Variants in RBPMS observed in about 807,000 individuals in gnomAD.
The protein encoded by RBPMS is RNA binding protein, mRNA processing factor, also known as RNA-binding protein with multiple splicing.
A neutral mutation model predicts 26.8 loss-of-function variants in RBPMS; 7 were observed. That is an observed-to-expected ratio of 0.26 (90% CI 0.15 to 0.49). The LOEUF (loss-of-function observed/expected upper bound fraction) is 0.49. Among genes scored for constraint, RBPMS ranks in the 20% least tolerant of loss-of-function variants. The pLI, the probability that RBPMS is intolerant of heterozygous loss-of-function variation, is 0.98. For missense variants in RBPMS, 186 were observed against 250.0 expected (o/e 0.74, Z 1.73); for synonymous variants, 96 against 93.3 (o/e 1.03, Z -0.17).
chr8:30,437,927 C>T (rs1437099635), intron 1 of RBPMS, among the ~76,000 whole-genome samples: 2 of 152,010 alleles, frequency 1.3e-5, no homozygotes, highest in African/African-American at 4.8e-5. Flanking sequence ...CTACTGCACT[C>T]CAGCCTGGGT....
intron 8 of RBPMS, among the ~76,000 whole-genome samples, chr8:30,569,984 C>T (rs1828157491): frequency 6.6e-6 from 1 of 152,170 alleles, no homozygotes; most frequent in South Asian, 2.1e-4. Flanking sequence ...CCTGCTCCGC[C>T]GGCCGTTACC....
At chr8:30,555,760 G>A (rs552107383) in intron 6 of RBPMS, 41 of 462,460 alleles carry the variant, frequency 8.9e-5, no homozygotes, top group African/African-American at 4.9e-4. Flanking sequence ...AGGTTTCCCC[G>A]TTAAGAAGAA....
chr8:30,452,903 T>A (rs1475919613), intron 1 of RBPMS, among the ~76,000 whole-genome samples: 2 of 152,212 alleles, frequency 1.3e-5, no homozygotes, highest in African/African-American at 4.8e-5. Context: ...CCTTGGAGAT[T>A]TCCTTCTGAA....
chr8:30,461,998 C>T (rs1035640266), intron 1 of RBPMS, among the ~76,000 whole-genome samples: 4 of 152,124 alleles, frequency 2.6e-5, no homozygotes, highest in South Asian at 2.1e-4. Flanking sequence ...CCTTGAGAGT[C>T]GTTCAAGTTG....
In RBPMS at chr8:30,504,269, G is replaced by C. The variant is rs1199653637; in HGVS notation, c.247-17G>C. On this transcript the variant is annotated splice_polypyrimidine_tract_variant and intron_variant, in intron 4 of 8. Coordinates refer to ENST00000397323, the MANE Select transcript of RBPMS (RefSeq NM_001008710.3). ...AAGGAAATGAAAACATCTTCCATTT[G>C]TTCTCTGTTTCCAAAGGGCATCCGC... 6.2e-7 allele frequency: 1 copy of C among 1,613,680 alleles called. No homozygotes were observed. The highest frequency in any genetic ancestry group is 8.5e-7 in the Non-Finnish European group (1 of 1,179,758).
chr8:30,517,226 GT>G (rs1822431789), intron 5 of RBPMS, among the ~76,000 whole-genome samples: 3 of 138,964 alleles, frequency 2.2e-5, no homozygotes, highest in Non-Finnish European at 4.8e-5. Context: ...GTGTGTGTGT[GT>G]GTGTGTGTGT....
intron 4 of RBPMS, among the ~76,000 whole-genome samples, chr8:30,484,742 G>T (rs894815252): frequency 2.0e-5 from 3 of 152,132 alleles, no homozygotes; most frequent in Non-Finnish European, 4.4e-5. Context: ...AATAGTGTCA[G>T]ATGTTGAAAA....
At chr8:30,448,863 C>G (rs559819636) in intron 1 of RBPMS, among the ~76,000 whole-genome samples, 4 of 152,312 alleles carry the variant, frequency 2.6e-5, no homozygotes, top group African/African-American at 9.6e-5. Flanking sequence ...ACTCTATATA[C>G]TCTTCATTTC....
intron 5 of RBPMS, among the ~76,000 whole-genome samples, chr8:30,529,618 C>CT (rs1246060453): frequency 1.3e-5 from 2 of 152,118 alleles, no homozygotes; most frequent in Non-Finnish European, 2.9e-5. Flanking sequence ...CTTTCTGTCT[C>CT]TGTTAATTTG....
intron 6 of RBPMS, chr8:30,544,914 G>C: frequency 2.0e-6 from 3 of 1,479,986 alleles, no homozygotes; most frequent in Non-Finnish European, 2.7e-6. Context: ...TATCCACCTG[G>C]CTCCCAGCTA....
chr8:30,517,189 C>CAT (rs1487122635), intron 5 of RBPMS, among the ~76,000 whole-genome samples: 4 of 132,474 alleles, frequency 3.0e-5, no homozygotes, highest in African/African-American at 1.2e-4. Flanking sequence ...GCCAAGACCC[C>CAT]GTGTGTGTGT....
chr8:30,442,068 A>T (rs1813144295), intron 1 of RBPMS, among the ~76,000 whole-genome samples: 1 of 152,104 alleles, frequency 6.6e-6, no homozygotes, highest in Admixed American at 6.5e-5. Context: ...GATTACAGGT[A>T]TGAGCCACCG....
rs571064822 is a variant in RBPMS at position 30,474,464 on chromosome 8, A to G, written c.67-315A>G. On this transcript the variant is annotated intron_variant, in intron 1 of 8. Coordinates refer to ENST00000397323, the MANE Select transcript of RBPMS (RefSeq NM_001008710.3). ...AGAAGTGTGCAATGGCTAGTTGGGAAAAGTTAGCTTGTAAATTTAAATCAA... is the reference window on the plus strand; with the variant it reads ...AGAAGTGTGCAATGGCTAGTTGGGAGAAGTTAGCTTGTAAATTTAAATCAA... Among the ~76,000 whole-genome samples the G allele has an allele frequency of 6.6e-5, 10 of 152,314 alleles. No homozygotes were observed. The East Asian group carries it at 1.5e-3, about 23-fold the overall frequency.
chr8:30,511,757 G>A (rs1488812581), intron 5 of RBPMS, among the ~76,000 whole-genome samples: 6 of 151,434 alleles, frequency 4.0e-5, no homozygotes, highest in Admixed American at 2.6e-4. Context: ...CCGGGAGGCC[G>A]AGGTTGCAGT....
At chr8:30,416,736 G>A (rs533178524) in intron 1 of RBPMS, among the ~76,000 whole-genome samples, 2 of 152,094 alleles carry the variant, frequency 1.3e-5, no homozygotes, top group South Asian at 4.2e-4. Context: ...GCCTCCCAAA[G>A]TGCTGGGATT....
At chr8:30,549,809 T>TCCC (rs766646710) in intron 6 of RBPMS, among the ~76,000 whole-genome samples, 2 of 92,550 alleles carry the variant, frequency 2.2e-5, no homozygotes, top group Admixed American at 1.1e-4. Context: ...CTCTCTCCTC[T>TCCC]CTCTCTCTCT....
chr8:30,550,828 G>T (rs769375510), intron 6 of RBPMS, among the ~76,000 whole-genome samples: 3 of 152,200 alleles, frequency 2.0e-5, no homozygotes, highest in Non-Finnish European at 2.9e-5. Context: ...GGGTGGAGGG[G>T]GCTGGGCAGC....
chr8:30,461,973 TA>T (rs2150782624), intron 1 of RBPMS, among the ~76,000 whole-genome samples: 1 of 152,362 alleles, frequency 6.6e-6, no homozygotes, highest in Non-Finnish European at 1.5e-5. Context: ...TGGCTTTTTT[TA>T]CTTAGTGTAA....
chr8:30,514,679 G>GCT (rs1822102159), intron 5 of RBPMS, among the ~76,000 whole-genome samples: 1 of 13,558 alleles, frequency 7.4e-5, no homozygotes, highest in African/African-American at 1.6e-4. Context: ...ACCATGCCGG[G>GCT]CTTTTTTTTT....
Sources: gnomAD v4.1 joint callset for allele counts (sites outside exome capture counted in the v4.1 genomes callset) on GRCh38, gnomAD v4.1.1 for gene constraint, MANE v1.5 for transcripts, NCBI Gene and HGNC (gene_info 2026-07-23, HGNC 2026-07-21) for gene names.